Variants in CDC42 observed in about 807,000 individuals in gnomAD.
The protein encoded by CDC42 is cell division control protein 42 homolog.
In CDC42, 1 loss-of-function variant was observed where a neutral mutation model predicts 20.8. The ratio of observed to expected loss-of-function variants is 0.05; its 90% CI spans 0.02 to 0.23. The LOEUF (loss-of-function observed/expected upper bound fraction) is 0.23. Among genes scored for constraint, CDC42 ranks in the 10% least tolerant of loss-of-function variants. The pLI is 1.00. For missense variants in CDC42, 49 were observed against 227.9 expected (o/e 0.21, Z 5.05); for synonymous variants, 72 against 84.8 (o/e 0.85, Z 0.83).
In CDC42 at chr1:22,100,262, G is replaced by T. The variant is rs1372801722; in HGVS notation, c.*8745G>T. Reference sequence around the variant, plus strand: ...CTCATGCAGTTTTTGAGTTTAAGTAGTAAACTCCTAAACTTCAAGTCATGT... The same window carrying T: ...CTCATGCAGTTTTTGAGTTTAAGTATTAAACTCCTAAACTTCAAGTCATGT... On this transcript the variant is annotated 3_prime_UTR_variant, in exon 6 of 6. Coordinates refer to ENST00000656825, the MANE Select transcript of CDC42 (RefSeq NM_001791.4). Among the ~76,000 whole-genome samples the T allele has an allele frequency of 6.6e-6, 1 of 152,066 alleles. No homozygotes were observed. The highest frequency in any genetic ancestry group is 6.5e-5 in the Admixed American group (1 of 15,272).
At chr1:22,088,219 G>C (rs1645680214) in intron 5 of CDC42, among the ~76,000 whole-genome samples, 1 of 152,184 alleles carries the variant, frequency 6.6e-6, no homozygotes, top group Non-Finnish European at 1.5e-5. Context: ...AAAGTCATGT[G>C]TGAAACACTC....
chr1:22,055,685 C>T (rs1645297666), intron 1 of CDC42, among the ~76,000 whole-genome samples: 1 of 151,884 alleles, frequency 6.6e-6, no homozygotes, highest in South Asian at 2.1e-4. Context: ...GATCGGGTTT[C>T]CTCATGTTGT....
intron 1 of CDC42, among the ~76,000 whole-genome samples, chr1:22,058,829 T>G (rs768867287): frequency 1.3e-5 from 2 of 151,978 alleles, no homozygotes; most frequent in East Asian, 3.9e-4. Flanking sequence ...TTATTTTTAT[T>G]TTTTAGAGAT....
intron 1 of CDC42, among the ~76,000 whole-genome samples, chr1:22,062,350 T>A (rs920508794): frequency 6.6e-6 from 1 of 152,232 alleles, no homozygotes; most frequent in African/African-American, 2.4e-5. Context: ...AATCATAGTT[T>A]GTTTTGTAGT....
intron 1 of CDC42, among the ~76,000 whole-genome samples, chr1:22,055,082 C>A (rs975717970): frequency 1.3e-5 from 2 of 149,498 alleles, no homozygotes; most frequent in African/African-American, 4.9e-5. Flanking sequence ...GCCTCCCGAA[C>A]AGCTGGGACT....
At chr1:22,086,944 A>G (rs1645667049) in intron 5 of CDC42, 78 bp downstream of exon 5, 3 of 1,220,312 alleles carry the variant, frequency 2.5e-6, no homozygotes, top group South Asian at 1.2e-5. Context: ...AGTTATTTCT[A>G]ACAGTGATCA....
chr1:22,053,474 C>A (rs1050995011), intron 1 of CDC42: 1 of 152,274 alleles, frequency 6.6e-6, no homozygotes, highest in African/African-American at 2.4e-5. Flanking sequence ...CCAGCCCGCT[C>A]CCTGCCGGTT....
At chr1:22,086,636 A>G (rs1225232114) in intron 4 of CDC42, 33 bp from the exon 5 acceptor site, 1 of 1,605,294 alleles carries the variant, frequency 6.2e-7, no homozygotes, top group Admixed American at 1.7e-5. Flanking sequence ...CTTGTTGATT[A>G]ACAAAGGTGT....
In CDC42 at chr1:22,097,588, T is replaced by C. The variant is rs1645766242; in HGVS notation, c.*6071T>C. ...CGCCTTTCAAAGTTGAGTACTGCAT[T>C]CTTGCGGCTCTACCTAAGTTTCTCC... On this transcript the variant is annotated 3_prime_UTR_variant, in exon 6 of 6. Transcript: ENST00000656825. Among the ~76,000 whole-genome samples, 1 of 152,228 alleles carries C rather than the reference T, an allele frequency of 6.6e-6. No individual in the cohort carries two copies. The highest frequency in any genetic ancestry group is 2.4e-5 in the African/African-American group (1 of 41,462).
chr1:22,069,581 C>T lies in CDC42; in HGVS notation c.-50-8848C>T, dbSNP rs117990039. Among the ~76,000 whole-genome samples the T allele has an allele frequency of 4.7e-3, 714 of 151,044 alleles. 35 individuals carry two copies. In the East Asian group the frequency reaches 0.098, roughly 21 times the overall value. On this transcript the variant is annotated intron_variant, in intron 1 of 5. Transcript: ENST00000656825. ...CAGGTGGTTTCTCCCCTCAGCCTCCCCAGTAGTTGGGACTACAGGCACATG... is the reference window on the plus strand; with the variant it reads ...CAGGTGGTTTCTCCCCTCAGCCTCCTCAGTAGTTGGGACTACAGGCACATG...
intron 1 of CDC42, among the ~76,000 whole-genome samples, chr1:22,065,045 C>G (rs909546843): frequency 6.6e-6 from 1 of 152,184 alleles, no homozygotes; most frequent in African/African-American, 2.4e-5. Flanking sequence ...GTGTTAAGTG[C>G]TCTTTGCAGA....
chr1:22,067,568 C>T (rs893265182), intron 1 of CDC42, among the ~76,000 whole-genome samples: 2 of 152,302 alleles, frequency 1.3e-5, no homozygotes, highest in Admixed American at 6.5e-5. Flanking sequence ...TGGTCTCGAA[C>T]GCCTGACCTC....
At chr1:22,054,922 T>TATATATATATATATATATATA (rs1557890193) in intron 1 of CDC42, among the ~76,000 whole-genome samples, 1 of 7,788 alleles carries the variant, frequency 1.3e-4, no homozygotes, top group East Asian at 7.4e-3. Context: ...TATATATATA[T>TATATATATATATATATATATA]TTTTTTTTTT....
chr1:22,082,066 A>G (rs1000490730), intron 3 of CDC42, among the ~76,000 whole-genome samples: 6 of 150,220 alleles, frequency 4.0e-5, no homozygotes, highest in African/African-American at 1.5e-4. Flanking sequence ...AATTGAACTA[A>G]AATCCTGATG....
At chr1:22,052,934 G>C (rs1224884438) in intron 1 of CDC42, 192 bp downstream of exon 1, 1 of 152,038 alleles carries the variant, frequency 6.6e-6, no homozygotes, top group Non-Finnish European at 1.5e-5. Context: ...TTCTGTGGGG[G>C]AGCCGGGGCG....
chr1:22,073,616 GAT>G (rs1284083791), intron 1 of CDC42, among the ~76,000 whole-genome samples: 4 of 152,058 alleles, frequency 2.6e-5, no homozygotes, highest in African/African-American at 9.6e-5. Flanking sequence ...ACAGAAGGAA[GAT>G]ATACCTTATT....
chr1:22,085,151 G>C (rs1350520585), intron 3 of CDC42, among the ~76,000 whole-genome samples: 3 of 150,890 alleles, frequency 2.0e-5, no homozygotes, highest in Middle Eastern at 3.4e-3. Context: ...AGAGTCTCTT[G>C]AACTGGGGAG....
Position 22,091,507 on chromosome 1 carries a change from T to C in CDC42, c.566T>C (p.Val189Ala), listed in dbSNP as rs754298921. The change falls in exon 6 of 6, where the codon GTG becomes GCG. Residue 189 changes from valine to alanine, a missense_variant. By Grantham distance (64) the Val-to-Ala change is moderately conservative. Around this residue, in one of 2 missense-constraint regions of CDC42, gnomAD observed 38 missense variants for 106.6 expected, o/e 0.36. Coordinates refer to ENST00000656825, the MANE Select transcript of CDC42 (RefSeq NM_001791.4). Reference sequence around the variant, plus strand: ...GAACCGAAGAAGAGCCGCAGGTGTGTGCTGCTATGAACATCTCTCCAGAGC... The same window carrying C: ...GAACCGAAGAAGAGCCGCAGGTGTGCGCTGCTATGAACATCTCTCCAGAGC... ...PPEPKKSRRC[V>A]LL The C allele has an allele frequency of 1.2e-6, 2 of 1,612,134 alleles. No individual in the cohort carries two copies. The highest frequency in any genetic ancestry group is 1.7e-5 in the Admixed American group (1 of 59,990).
At chr1:22,079,438 C>T in intron 2 of CDC42, among the ~76,000 whole-genome samples, 1 of 152,026 alleles carries the variant, frequency 6.6e-6, no homozygotes, top group Non-Finnish European at 1.5e-5. Context: ...CATGCCTGGC[C>T]CCATAACTGT....
Sources: gnomAD v4.1 joint callset for allele counts (sites outside exome capture counted in the v4.1 genomes callset) on GRCh38, gnomAD v4.1.1 for gene constraint, gnomAD v4.1.1 regional missense constraint, MANE v1.5 for transcripts, NCBI Gene and HGNC (gene_info 2026-07-23, HGNC 2026-07-21) for gene names.